ANKFN1: variants seen among roughly 807,000 people sequenced by gnomAD.
ANKFN1 encodes the protein ankyrin repeat and fibronectin type III domain containing 1.
In ANKFN1, 74 loss-of-function variants were observed where a neutral mutation model predicts 108.7. The ratio of observed to expected loss-of-function variants is 0.68; its 90% CI spans 0.56 to 0.83. The LOEUF is 0.83. ANKFN1 is among the 40% of genes least tolerant of loss of function. The probability of loss-of-function intolerance (pLI) is 0.00; values close to 1 mark genes in which losing one functional copy is unlikely to be tolerated. For missense variants in ANKFN1, 1,505 were observed against 1,382.3 expected (o/e 1.09, Z -1.41); for synonymous variants, 547 against 516.2 (o/e 1.06, Z -0.81).
intron 1 of ANKFN1, among the ~76,000 whole-genome samples, chr17:56,187,434 C>A (rs1245217558): frequency 1.3e-5 from 2 of 152,150 alleles, no homozygotes; most frequent in East Asian, 1.9e-4. Context: ...AGTCAGGAAA[C>A]AACAGGTGCT....
At chr17:56,328,758 T>C (rs2045587377) in intron 4 of ANKFN1, among the ~76,000 whole-genome samples, 1 of 131,292 alleles carries the variant, frequency 7.6e-6, no homozygotes, top group African/African-American at 3.0e-5. Flanking sequence ...TAAACTCACT[T>C]CTCTGCCTAT....
intron 1 of ANKFN1, among the ~76,000 whole-genome samples, chr17:56,195,073 C>CT (rs35834463): frequency 6.6e-6 from 1 of 152,072 alleles, no homozygotes; most frequent in Admixed American, 6.6e-5. Context: ...TCTTAGCTCC[C>CT]TTTTTTGCAT....
chr17:56,380,444 G>A (rs2047062946), intron 8 of ANKFN1, among the ~76,000 whole-genome samples: 1 of 152,186 alleles, frequency 6.6e-6, no homozygotes, highest in South Asian at 2.1e-4. Flanking sequence ...CAGGACAGTG[G>A]GTGCAGTGCA....
intron 1 of ANKFN1, among the ~76,000 whole-genome samples, chr17:56,163,041 A>C (rs535421260): frequency 2.6e-5 from 4 of 151,186 alleles, no homozygotes; most frequent in Non-Finnish European, 5.9e-5. Flanking sequence ...ATCTCAAAAA[A>C]AAAAAGAAAA....
chr17:56,116,458 A>T (rs1396736368), intron 4 of ANKFN1, among the ~76,000 whole-genome samples: 1 of 152,044 alleles, frequency 6.6e-6, no homozygotes, highest in Non-Finnish European at 1.5e-5. Flanking sequence ...GCCTAATGGG[A>T]GGTGTTCAGA....
rs1485313937 is a variant in ANKFN1, at chr17:56,512,968, A to C, written c.*1699A>C. Among the ~76,000 whole-genome samples the C allele has an allele frequency of 1.3e-5, 2 of 152,178 alleles. No homozygotes were observed. The highest frequency in any genetic ancestry group is 2.9e-5 in the Non-Finnish European group (2 of 68,020). On this transcript the variant is annotated 3_prime_UTR_variant, in exon 21 of 21. Transcript: ENST00000682825. ...TTTTTCATGACTGGGAGGATTTTAAAATGCAATTTTCTTCTGTCTAAGTGA... is the reference window on the plus strand; with the variant it reads ...TTTTTCATGACTGGGAGGATTTTAACATGCAATTTTCTTCTGTCTAAGTGA...
chr17:56,452,597 A>G (rs1156741899), intron 11 of ANKFN1, among the ~76,000 whole-genome samples: 1 of 152,172 alleles, frequency 6.6e-6, no homozygotes, highest in Admixed American at 6.6e-5. Context: ...GACTTTCTGC[A>G]TGTTATTACA....
At chr17:56,196,590 T>A (rs778937375) in intron 1 of ANKFN1, among the ~76,000 whole-genome samples, 1 of 151,948 alleles carries the variant, frequency 6.6e-6, no homozygotes, top group East Asian at 1.9e-4. Context: ...TAAAAAAAAA[T>A]TTAGCAGAGC....
At chr17:56,157,855 C>G (rs1056639794) in intron 1 of ANKFN1, among the ~76,000 whole-genome samples, 2 of 152,198 alleles carry the variant, frequency 1.3e-5, no homozygotes, top group African/African-American at 2.4e-5. Flanking sequence ...TTTAGCTTTA[C>G]CGGTACCTGT....
intron 4 of ANKFN1, among the ~76,000 whole-genome samples, chr17:56,066,250 T>C (rs572814171): frequency 6.6e-6 from 1 of 152,304 alleles, no homozygotes; most frequent in African/African-American, 2.4e-5. Flanking sequence ...TGGAGAAATA[T>C]CACCATTGGG....
chr17:56,080,768 G>A (rs1385967342), intron 4 of ANKFN1, among the ~76,000 whole-genome samples: 13 of 152,304 alleles, frequency 8.5e-5, no homozygotes, highest in Middle Eastern at 3.4e-3. Flanking sequence ...ATGTATACAC[G>A]TTTTATGTTT....
chr17:56,385,084 A>G (rs1188565163), intron 8 of ANKFN1, among the ~76,000 whole-genome samples: 1 of 151,530 alleles, frequency 6.6e-6, no homozygotes, highest in African/African-American at 2.4e-5. Context: ...ACAAGGCTAC[A>G]GTAACCAAAA....
chr17:56,466,476 A>C lies in ANKFN1; in HGVS notation c.1678A>C (p.Lys560Gln), dbSNP rs2050075705. 3 of 1,614,078 alleles carry C rather than the reference A, an allele frequency of 1.9e-6. No individual in the cohort carries two copies. The highest frequency in any genetic ancestry group is 2.5e-6 in the Non-Finnish European group (3 of 1,180,036). The change falls in exon 15 of 21, where the codon AAA becomes CAA. Residue 560 changes from lysine to glutamine, a missense_variant. Lys to Gln is a moderately conservative substitution (Grantham distance 53). Coordinates refer to ENST00000682825, the MANE Select transcript of ANKFN1 (RefSeq NM_001370326.1). ...GATGCTTTATTCATTTTTTAATGGC[A>C]AATGGATGCAGATCTCAAAGCTGCA... ...VEMLYSFFNG[K>Q]WMQISKLQSQ...
chr17:56,100,668 A>T (rs771931509), intron 4 of ANKFN1, among the ~76,000 whole-genome samples: 8 of 152,202 alleles, frequency 5.3e-5, no homozygotes, highest in Non-Finnish European at 8.8e-5. Context: ...GTAGGGTAAC[A>T]GAGACTTAGT....
intron 19 of ANKFN1, among the ~76,000 whole-genome samples, chr17:56,497,575 G>C (rs1050065249): frequency 2.0e-5 from 3 of 152,086 alleles, no homozygotes; most frequent in African/African-American, 7.2e-5. Flanking sequence ...CAGATTAAAG[G>C]CCTATCAAGA....
intron 11 of ANKFN1, among the ~76,000 whole-genome samples, chr17:56,449,608 T>C (rs1157908366): frequency 6.6e-6 from 1 of 152,188 alleles, no homozygotes; most frequent in African/African-American, 2.4e-5. Flanking sequence ...AACCTCCATA[T>C]TTATTAATAA....
At chr17:56,350,092 G>T (rs1255899735) in intron 4 of ANKFN1, among the ~76,000 whole-genome samples, 1 of 152,164 alleles carries the variant, frequency 6.6e-6, no homozygotes, top group Admixed American at 6.6e-5. Flanking sequence ...TGAAACAATG[G>T]TCAAGTACTA....
At chr17:56,232,356 A>C (rs2143940613) in intron 3 of ANKFN1, among the ~76,000 whole-genome samples, 1 of 152,268 alleles carries the variant, frequency 6.6e-6, no homozygotes, top group East Asian at 1.9e-4. Flanking sequence ...CTGGTGTGTT[A>C]GTTTTATTAC....
intron 3 of ANKFN1, among the ~76,000 whole-genome samples, chr17:56,298,509 A>G (rs2044580829): frequency 6.6e-6 from 1 of 152,104 alleles, no homozygotes; most frequent in South Asian, 2.1e-4. Flanking sequence ...ACTTCCCTGT[A>G]TTTTCCTTGA....
Sources: gnomAD v4.1 joint callset for allele counts (sites outside exome capture counted in the v4.1 genomes callset) on GRCh38, gnomAD v4.1.1 for gene constraint, MANE v1.5 for transcripts, NCBI Gene and HGNC (gene_info 2026-07-23, HGNC 2026-07-21) for gene names.